Variants in TEX14 observed in about 807,000 individuals in gnomAD.
TEX14 encodes the protein testis expressed 14, intercellular bridge forming factor.
Under a neutral mutation model 178.6 loss-of-function variants are expected in TEX14, and 168 were observed. That is an observed-to-expected ratio of 0.94 (90% CI 0.83 to 1.07). TEX14 has a LOEUF of 1.07. TEX14 is among the 50% of genes least tolerant of loss of function. TEX14 has a pLI of 0.00. For synonymous variants in TEX14, 626 were observed against 634.1 expected, an observed-to-expected ratio of 0.99 and a Z score of 0.19; for missense variants, 1,730 against 1,753.6, an observed-to-expected ratio of 0.99 and a Z score of 0.24.
intron 21 of TEX14, among the ~76,000 whole-genome samples, chr17:58,576,156 T>C (rs991965119): frequency 1.3e-5 from 2 of 152,346 alleles, no homozygotes; most frequent in Middle Eastern, 3.4e-3. Flanking sequence ...AACTTTTCTT[T>C]TGAGATAATT....
intron 1 of TEX14, among the ~76,000 whole-genome samples, chr17:58,666,303 G>A (rs2047203904): frequency 6.6e-6 from 1 of 151,796 alleles, no homozygotes; most frequent in Admixed American, 6.6e-5. Flanking sequence ...AGCCGAGATT[G>A]CTCCACTGCA....
intron 1 of TEX14, chr17:58,661,142 A>G (rs748303037): frequency 1.2e-6 from 1 of 837,258 alleles, no homozygotes; most frequent in South Asian, 1.3e-5. Flanking sequence ...TTGAGATGCC[A>G]TAGCAACGAG....
intron 3 of TEX14, among the ~76,000 whole-genome samples, chr17:58,624,631 C>T (rs1290998803): frequency 1.3e-5 from 2 of 151,938 alleles, no homozygotes; most frequent in Non-Finnish European, 2.9e-5. Flanking sequence ...AGTGAGCCAC[C>T]GCGCCCAGCC....
intron 1 of TEX14, among the ~76,000 whole-genome samples, chr17:58,668,919 T>A (rs1239946820): frequency 6.6e-6 from 1 of 152,016 alleles, no homozygotes; most frequent in Non-Finnish European, 1.5e-5. Context: ...GGCAAGTGAG[T>A]GTCATTTGTT....
chr17:58,640,845 G>C (rs545266255), intron 2 of TEX14, among the ~76,000 whole-genome samples: 2 of 152,002 alleles, frequency 1.3e-5, no homozygotes, highest in East Asian at 3.9e-4. Context: ...TCAGCCTCTC[G>C]AGTAGCTGGG....
intron 2 of TEX14, chr17:58,631,758 G>C (rs143039205): frequency 7.9e-5 from 12 of 151,930 alleles, no homozygotes; most frequent in Admixed American, 1.3e-4. Flanking sequence ...TCTCCCTCTC[G>C]CGGTTTCCAG....
chr17:58,657,810 T>C (rs1327598487), intron 1 of TEX14, among the ~76,000 whole-genome samples: 2 of 152,178 alleles, frequency 1.3e-5, no homozygotes, highest in African/African-American at 4.8e-5. Context: ...ACTTCCTTCT[T>C]GTCTGGGGAC....
chr17:58,637,856 CTT>C (rs58823773), intron 2 of TEX14, among the ~76,000 whole-genome samples: 4 of 135,666 alleles, frequency 2.9e-5, no homozygotes, highest in Admixed American at 7.5e-5. Flanking sequence ...AACCTACTGC[CTT>C]TTTTTTTTTT....
Position 58,621,686 on chromosome 17 carries a change from A to G in TEX14, c.518T>C (p.Val173Ala). Residue 173 changes from valine to alanine, a missense_variant, in exon 5 of 32, where the codon GTC (valine) becomes GCC (alanine). By Grantham distance (64) the Val-to-Ala change is moderately conservative (BLOSUM62 0). Coordinates refer to ENST00000349033, the MANE Select transcript of TEX14 (RefSeq NM_031272.5). The part of the protein sequence containing the change: ...LKKIDSPQRL[V>A]YSPSWCGGLV... ...GCCCCCACACCAGGACGGGCTGTAG[A>G]CAAGCCGCTGCGGGGAGTCTATCTT... is the stretch of plus-strand genomic sequence containing the variant. The G allele has an allele frequency of 6.2e-7, 1 of 1,614,162 alleles. No individual in the cohort carries two copies.
At chr17:58,686,920 C>A (rs2047608771) in intron 1 of TEX14, among the ~76,000 whole-genome samples, 1 of 123,834 alleles carries the variant, frequency 8.1e-6, no homozygotes, top group South Asian at 2.8e-4. Flanking sequence ...ATCACCCACC[C>A]TAGAGCGCAG....
intron 11 of TEX14, among the ~76,000 whole-genome samples, chr17:58,602,808 C>T (rs555317547): frequency 6.6e-6 from 1 of 152,032 alleles, no homozygotes; most frequent in Non-Finnish European, 1.5e-5. Context: ...TGGCTTACAC[C>T]TGTAATCCCA....
intron 16 of TEX14, 81 bp downstream of exon 16, chr17:58,587,815 C>T (rs1478539957): frequency 3.9e-6 from 5 of 1,276,624 alleles, no homozygotes; most frequent in Non-Finnish European, 5.7e-6. Flanking sequence ...GTTGCACTGA[C>T]CCCTTTGCAC....
At chr17:58,557,126 C>T (rs768273173) in intron 31 of TEX14, 79 bp from the exon 32 acceptor site, 2 of 1,136,732 alleles carry the variant, frequency 1.8e-6, no homozygotes, top group East Asian at 4.7e-5. Context: ...AAACCACATC[C>T]TCTTTCTATT....
At chr17:58,634,407 T>C (rs1043062000) in intron 2 of TEX14, among the ~76,000 whole-genome samples, 4 of 152,130 alleles carry the variant, frequency 2.6e-5, no homozygotes, top group Non-Finnish European at 5.9e-5. Flanking sequence ...AGTGAGACTC[T>C]GTCTCAAATT....
At chr17:58,579,865 A>C in intron 19 of TEX14, 134 bp from the exon 20 acceptor site, 5 of 705,230 alleles carry the variant, frequency 7.1e-6, no homozygotes, top group Non-Finnish European at 9.5e-6. Flanking sequence ...GAAAAAGCAC[A>C]AACTTGCTTC....
At chr17:58,581,653 T>C (rs1306235498) in intron 19 of TEX14, 2 of 1,613,960 alleles carry the variant, frequency 1.2e-6, no homozygotes, top group Non-Finnish European at 1.7e-6. Flanking sequence ...AGTAAAAATA[T>C]TCACCGTCTG....
intron 28 of TEX14, among the ~76,000 whole-genome samples, chr17:58,563,590 C>G (rs1218571929): frequency 3.0e-5 from 4 of 133,412 alleles, no homozygotes; most frequent in African/African-American, 1.1e-4. Context: ...ACTTCAAGTT[C>G]AGCCTGGGCA....
intron 14 of TEX14, among the ~76,000 whole-genome samples, chr17:58,598,315 CAAAAAAA>C (rs528645875): frequency 1.3e-4 from 11 of 84,086 alleles, no homozygotes; most frequent in Admixed American, 3.9e-4. Flanking sequence ...ACTCTGTCTC[CAAAAAAA>C]AAAAAAAAAG....
chr17:58,615,095 A>C, intron 8 of TEX14, 137 bp downstream of exon 8: 1 of 589,434 alleles, frequency 1.7e-6, no homozygotes, highest in East Asian at 3.0e-5. Context: ...AAGTCAAGTC[A>C]ATCAATTTCA....
Sources: allele counts gnomAD v4.1 joint callset (sites outside exome capture counted in the v4.1 genomes callset), GRCh38; gene constraint gnomAD v4.1.1; transcripts MANE v1.5; gene names NCBI Gene and HGNC (gene_info 2026-07-23, HGNC 2026-07-21).